The following BLVRA variants were observed in gnomAD, a reference collection of about 807,000 sequenced individuals.
BLVRA encodes biliverdin reductase A, also known as BVR A.
A neutral mutation model predicts 32.8 loss-of-function variants in BLVRA; 22 were observed. That is an observed-to-expected ratio of 0.67 (90% CI 0.48 to 0.96). BLVRA has a LOEUF of 0.96. Among genes scored for constraint, BLVRA ranks in the 40% least tolerant of loss-of-function variants. The pLI, the probability that BLVRA is intolerant of heterozygous loss-of-function variation, is 0.00. For synonymous variants in BLVRA, 119 were observed against 141.3 expected, an observed-to-expected ratio of 0.84 and a Z score of 1.12; for missense variants, 323 against 358.1, an observed-to-expected ratio of 0.90 and a Z score of 0.79.
At chr7:43,778,822 C>G (rs574855327) in intron 2 of BLVRA, among the ~76,000 whole-genome samples, 1 of 152,250 alleles carries the variant, frequency 6.6e-6, no homozygotes, top group Non-Finnish European at 1.5e-5. Context: ...TCGAGCTTCC[C>G]GGCTGCTTTG....
intron 2 of BLVRA, among the ~76,000 whole-genome samples, chr7:43,781,841 G>C (rs1399252864): frequency 6.6e-6 from 1 of 152,196 alleles, no homozygotes; most frequent in Non-Finnish European, 1.5e-5. Context: ...GTCAATTGCT[G>C]TAAGTCACAG....
chr7:43,764,858 C>T (rs1014990657), intron 1 of BLVRA, among the ~76,000 whole-genome samples: 3 of 152,104 alleles, frequency 2.0e-5, no homozygotes, highest in Non-Finnish European at 2.9e-5. Flanking sequence ...CATCTGCCCC[C>T]TCTTCTATTT....
chr7:43,801,654 G>A (rs1225509169), intron 6 of BLVRA, among the ~76,000 whole-genome samples: 1 of 152,188 alleles, frequency 6.6e-6, no homozygotes, highest in African/African-American at 2.4e-5. Context: ...ACAAGTAACT[G>A]TGATGTGCAT....
chr7:43,792,289 G>A lies in BLVRA; in HGVS notation c.255-426G>A, dbSNP rs548756923. Among the ~76,000 whole-genome samples the A allele has an allele frequency of 4.6e-5, 7 of 152,324 alleles. No homozygotes were observed. The South Asian group carries it at 1.4e-3, about 32-fold the overall frequency. ...CACATGTTGCACCTGGAAAATGTCT[G>A]CTCATACTTTGAGACCCAGTTCATA... On this transcript the variant is annotated intron_variant, in intron 4 of 7. Coordinates refer to ENST00000265523, the MANE Select transcript of BLVRA (RefSeq NM_000712.4).
intron 6 of BLVRA, among the ~76,000 whole-genome samples, chr7:43,801,468 G>A (rs1054453213): frequency 2.0e-5 from 3 of 152,096 alleles, no homozygotes; most frequent in African/African-American, 7.2e-5. Context: ...CATTCCTGAG[G>A]GCTTTCATTA....
At chr7:43,779,977 G>A (rs970233342) in intron 2 of BLVRA, among the ~76,000 whole-genome samples, 78 of 151,732 alleles carry the variant, frequency 5.1e-4, no homozygotes, top group African/African-American at 1.8e-3. Context: ...GGGTTCATGC[G>A]ATTCTCCCAC....
intron 1 of BLVRA, chr7:43,767,466 G>C: frequency 6.9e-7 from 1 of 1,442,342 alleles, no homozygotes; most frequent in Admixed American, 1.7e-5. Flanking sequence ...GGCGCCCTTG[G>C]GATATCCAAT....
At chr7:43,803,944 A>G (rs2132597858) in intron 7 of BLVRA, 97 bp downstream of exon 7, 1 of 1,408,516 alleles carries the variant, frequency 7.1e-7, no homozygotes, top group South Asian at 1.2e-5. Context: ...CTAGACCCTC[A>G]CTCCCAGCTC....
chr7:43,806,103 G>A (rs1239888073), intron 7 of BLVRA, among the ~76,000 whole-genome samples: 1 of 150,642 alleles, frequency 6.6e-6, no homozygotes, highest in Non-Finnish European at 1.5e-5. Flanking sequence ...ACCTGAAGTT[G>A]AGAGTTCAAG....
rs557059436 is a variant in BLVRA at position 43,795,190 on chromosome 7, G to A, written c.352+2378G>A. ...TGTGGCATTGCACTTTAGCCTGGGC[G>A]ACACAGTGAGACTCCATCTCAGAAA... is the stretch of plus-strand genomic sequence containing the variant. On this transcript the variant is annotated intron_variant, in intron 5 of 7. Coordinates refer to ENST00000265523, the MANE Select transcript of BLVRA (RefSeq NM_000712.4). Among the ~76,000 whole-genome samples, 13 of 152,140 alleles carry A rather than the reference G, an allele frequency of 8.5e-5. No individual in the cohort carries two copies. In the South Asian group the frequency reaches 1.5e-3, roughly 17 times the overall value.
intron 2 of BLVRA, among the ~76,000 whole-genome samples, chr7:43,786,848 AG>A (rs1254763168): frequency 6.6e-6 from 1 of 152,144 alleles, no homozygotes; most frequent in Admixed American, 6.5e-5. Context: ...GGTGAAGAAA[AG>A]GGGCAAATCT....
At chr7:43,791,118 G>A in intron 3 of BLVRA, 131 bp from the exon 4 acceptor site, 1 of 1,501,070 alleles carries the variant, frequency 6.7e-7, no homozygotes, top group African/African-American at 1.4e-5. Context: ...TAGCCTGGAA[G>A]TGGGAGAGAA....
chr7:43,763,866 C>A (rs564350120), intron 1 of BLVRA, among the ~76,000 whole-genome samples: 1 of 152,100 alleles, frequency 6.6e-6, no homozygotes, highest in Non-Finnish European at 1.5e-5. Context: ...TTTGAAAAGG[C>A]CTTGAAGTTC....
At chr7:43,798,823 G>A (rs2095795592) in intron 5 of BLVRA, among the ~76,000 whole-genome samples, 1 of 152,180 alleles carries the variant, frequency 6.6e-6, no homozygotes, top group African/African-American at 2.4e-5. Flanking sequence ...TGGTTACCAT[G>A]TGTGTTTATC....
At chr7:43,775,900 T>C (rs1404200150) in intron 2 of BLVRA, among the ~76,000 whole-genome samples, 1 of 152,260 alleles carries the variant, frequency 6.6e-6, no homozygotes, top group Non-Finnish European at 1.5e-5. Flanking sequence ...TTTATCCATT[T>C]CTTCTAGATT....
At chr7:43,772,478 GCTTCCCCCCTGCCC>G (rs1460686007) in intron 2 of BLVRA, among the ~76,000 whole-genome samples, 1 of 152,258 alleles carries the variant, frequency 6.6e-6, no homozygotes, top group East Asian at 1.9e-4. Flanking sequence ...TCCTGGAGCA[GCTTCCCCCCTGCCC>G]CAGGGCTGGG....
In BLVRA at chr7:43,767,736, T is replaced by A. The variant is rs2095749771; in HGVS notation, c.-21-3402T>A. 4 of 359,602 alleles carry A rather than the reference T, an allele frequency of 1.1e-5. No individual in the cohort carries two copies. In the Admixed American group the frequency reaches 1.6e-4, roughly 14 times the overall value. 22.3% of individuals were successfully genotyped at this position (359,602 alleles called of 1,614,324 possible). A position where few individuals can be genotyped will look rare whatever the true frequency, so the allele number is the denominator to read the frequency against. ...GGAGTCATGTTTGAGTAGTGTAAAT[T>A]TTGATCCTCCTAATATGTTGTTTGT... On this transcript the variant is annotated intron_variant, in intron 1 of 7. Transcript: ENST00000265523.
At chr7:43,759,711 T>C (rs1324024164) in intron 1 of BLVRA, among the ~76,000 whole-genome samples, 1 of 152,250 alleles carries the variant, frequency 6.6e-6, no homozygotes, top group East Asian at 1.9e-4. Context: ...TTTTCCATCA[T>C]TAATGTAATT....
At chr7:43,769,304 A>G (rs1245122841) in intron 1 of BLVRA, among the ~76,000 whole-genome samples, 2 of 152,140 alleles carry the variant, frequency 1.3e-5, no homozygotes, top group African/African-American at 4.8e-5. Flanking sequence ...TGCTGGGATT[A>G]CAGGTGTGAG....
Sources: gnomAD v4.1 joint callset for allele counts (sites outside exome capture counted in the v4.1 genomes callset) on GRCh38, gnomAD v4.1.1 for gene constraint, MANE v1.5 for transcripts, NCBI Gene and HGNC (gene_info 2026-07-23, HGNC 2026-07-21) for gene names.